Variants in SDHAF4 observed in about 807,000 individuals in gnomAD.
SDHAF4 encodes succinate dehydrogenase assembly factor 4, mitochondrial.
SDHAF4 carries 14 observed loss-of-function variants against 14.3 expected under a neutral mutation model. The observed-to-expected ratio is 0.98, with a 90% CI of 0.65 to 1.53. The LOEUF is 1.53. Among genes scored for constraint, SDHAF4 ranks in the 40% most tolerant of loss-of-function variants. The pLI is 0.00. For synonymous variants in SDHAF4, 63 were observed against 47.3 expected (o/e 1.33, Z -1.36); for missense variants, 141 against 129.3 (o/e 1.09, Z -0.44).
chr6:70,573,528 T>G (rs1051886989), intron 1 of SDHAF4, among the ~76,000 whole-genome samples: 1 of 151,728 alleles, frequency 6.6e-6, no homozygotes, highest in Non-Finnish European at 1.5e-5. Context: ...CCTCCCAAAT[T>G]GCTAGGATTA....
chr6:70,572,780 T>C (rs1181385302), intron 1 of SDHAF4, among the ~76,000 whole-genome samples: 2 of 152,144 alleles, frequency 1.3e-5, no homozygotes, highest in African/African-American at 4.8e-5. Context: ...ACTGATAAAA[T>C]TACATTCCTC....
chr6:70,568,706 C>A (rs1182032928), intron 1 of SDHAF4, among the ~76,000 whole-genome samples: 2 of 152,080 alleles, frequency 1.3e-5, no homozygotes, highest in Non-Finnish European at 2.9e-5. Context: ...TGTTATAGGT[C>A]TTTTCATTGT....
chr6:70,576,286 C>T (rs908026652), intron 1 of SDHAF4, among the ~76,000 whole-genome samples: 1 of 152,218 alleles, frequency 6.6e-6, no homozygotes, highest in African/African-American at 2.4e-5. Context: ...AAAAATAGTT[C>T]TGTTTATGTT....
At chr6:70,582,808 C>A (rs1041765702) in intron 2 of SDHAF4, among the ~76,000 whole-genome samples, 1 of 152,222 alleles carries the variant, frequency 6.6e-6, no homozygotes, top group Admixed American at 6.5e-5. Flanking sequence ...GGTCACCTAA[C>A]AAGCCTCTCT....
At chr6:70,586,524 AC>A (rs1038875572) in intron 2 of SDHAF4, among the ~76,000 whole-genome samples, 1 of 134,168 alleles carries the variant, frequency 7.5e-6, no homozygotes, top group African/African-American at 2.9e-5. Context: ...TGTGTCCCTC[AC>A]CCCACCTTTA....
chr6:70,595,906 G>A, the SDHAF4 span, among the ~76,000 whole-genome samples: 2 of 151,564 alleles, frequency 1.3e-5, no homozygotes, highest in African/African-American at 4.8e-5. Context: ...AGTTTTGCTT[G>A]TGTTCTACAC....
chr6:70,568,968 T>TTTTC, intron 1 of SDHAF4, among the ~76,000 whole-genome samples: 1 of 136,098 alleles, frequency 7.3e-6, no homozygotes, highest in African/African-American at 2.8e-5. Context: ...TTTTCTTTTT[T>TTTTC]TTTTTTTTTT....
chr6:70,585,381 T>C (rs926391949), intron 2 of SDHAF4, among the ~76,000 whole-genome samples: 5 of 152,190 alleles, frequency 3.3e-5, no homozygotes, highest in African/African-American at 1.2e-4. Flanking sequence ...AATGCCCTTA[T>C]AAGAAGAGAT....
intron 1 of SDHAF4, among the ~76,000 whole-genome samples, chr6:70,571,718 T>C (rs12197963): frequency 0.17 from 26,423 of 152,162 alleles, 2,387 homozygotes; most frequent in Middle Eastern, 0.21. Context: ...TTGGAATTAT[T>C]TGTTCCTTGA....
At chr6:70,578,221 G>A (rs1202848785) in intron 1 of SDHAF4, among the ~76,000 whole-genome samples, 1 of 152,146 alleles carries the variant, frequency 6.6e-6, no homozygotes, top group Non-Finnish European at 1.5e-5. Flanking sequence ...CTTCTCTACA[G>A]CCTCACCAGC....
chr6:70,591,617 C>T (rs1012869019), downstream of SDHAF4, among the ~76,000 whole-genome samples: 13 of 151,894 alleles, frequency 8.6e-5, no homozygotes, highest in South Asian at 2.1e-4. Context: ...TGAGCCACCG[C>T]GCCCGGCCAG....
intron 2 of SDHAF4, among the ~76,000 whole-genome samples, chr6:70,583,174 G>A (rs574412603): frequency 6.6e-6 from 1 of 152,154 alleles, no homozygotes; most frequent in Non-Finnish European, 1.5e-5. Context: ...GGACAATGGC[G>A]CAATTTCAGC....
chr6:70,591,618 G>A (rs1161691684), downstream of SDHAF4, among the ~76,000 whole-genome samples: 8 of 152,060 alleles, frequency 5.3e-5, no homozygotes, highest in East Asian at 9.6e-4. Context: ...GAGCCACCGC[G>A]CCCGGCCAGT....
At chr6:70,568,193 A>C (rs12209965) in intron 1 of SDHAF4, among the ~76,000 whole-genome samples, 26,453 of 152,126 alleles carry the variant, frequency 0.17, 2,394 homozygotes, top group Middle Eastern at 0.21. Context: ...ACATTATCCA[A>C]ACCTCAAGGT....
downstream of SDHAF4, among the ~76,000 whole-genome samples, chr6:70,591,551 G>T (rs374867652): frequency 9.9e-5 from 15 of 151,940 alleles, no homozygotes; most frequent in African/African-American, 2.9e-4. Flanking sequence ...GGATAGTCTC[G>T]ATCTCCTGAT....
rs1802183167 is a variant in SDHAF4, at chr6:70,571,875, C to T, written c.64+4871C>T. Among the ~76,000 whole-genome samples, 3 of 151,908 alleles carry T rather than the reference C, an allele frequency of 2.0e-5. No homozygotes were observed. The East Asian group carries it at 5.8e-4, about 29-fold the overall frequency. ...GTCAGTTTTGGTAAGTTAACTTTTT[C>T]TGGAAAGGTTTCCATTTTGTATTGT... On this transcript the variant is annotated intron_variant, in intron 1 of 2. Transcript: ENST00000370474.
intron 2 of SDHAF4, among the ~76,000 whole-genome samples, chr6:70,581,145 G>A (rs1403539198): frequency 6.6e-6 from 1 of 151,994 alleles, no homozygotes; most frequent in African/African-American, 2.4e-5. Context: ...GGCCAGGCTG[G>A]TCTTGAACTC....
intron 2 of SDHAF4, among the ~76,000 whole-genome samples, chr6:70,586,848 A>G (rs756170652): frequency 2.0e-5 from 3 of 152,192 alleles, no homozygotes; most frequent in Admixed American, 6.5e-5. Flanking sequence ...AGTGGCCACA[A>G]TAAATAAATA....
At chr6:70,569,943 G>A (rs557047272) in intron 1 of SDHAF4, among the ~76,000 whole-genome samples, 1 of 152,176 alleles carries the variant, frequency 6.6e-6, no homozygotes, top group Admixed American at 6.5e-5. Flanking sequence ...CAGGAAACCA[G>A]TTTTCATTTT....
Sources: gnomAD v4.1 joint callset for allele counts (sites outside exome capture counted in the v4.1 genomes callset) on GRCh38, gnomAD v4.1.1 for gene constraint, MANE v1.5 for transcripts, NCBI Gene and HGNC (gene_info 2026-07-23, HGNC 2026-07-21) for gene names.